The following CCDC33 variants were observed in gnomAD, a reference collection of about 807,000 sequenced individuals.
CCDC33 encodes the protein coiled-coil domain-containing protein 33.
CCDC33 carries 94 observed loss-of-function variants against 91.9 expected under a neutral mutation model. That is an observed-to-expected ratio of 1.02 (90% CI 0.87 to 1.21). The LOEUF (loss-of-function observed/expected upper bound fraction) is 1.21. Ranked by LOEUF, CCDC33 falls within the 50% of genes most tolerant of loss-of-function variation. CCDC33 has a pLI of 0.00. For missense variants in CCDC33, 940 were observed against 935.5 expected, an observed-to-expected ratio of 1.00 and a Z score of -0.06; for synonymous variants, 396 against 374.5, an observed-to-expected ratio of 1.06 and a Z score of -0.66.
chr15:74,285,476 C>T (rs1367465394), intron 10 of CCDC33, among the ~76,000 whole-genome samples: 3 of 152,160 alleles, frequency 2.0e-5, no homozygotes, highest in Non-Finnish European at 1.5e-5. Flanking sequence ...AGCAGGCCTT[C>T]CTATGGCTGA....
chr15:74,284,059 T>G (rs1461395405), intron 10 of CCDC33, among the ~76,000 whole-genome samples: 1 of 152,248 alleles, frequency 6.6e-6, no homozygotes, highest in Non-Finnish European at 1.5e-5. Flanking sequence ...GGCCAATAAC[T>G]GACTCCCTTT....
chr15:74,285,019 G>A (rs779666024), intron 10 of CCDC33, among the ~76,000 whole-genome samples: 3 of 152,272 alleles, frequency 2.0e-5, no homozygotes, highest in African/African-American at 4.8e-5. Context: ...TCCAGCTGCC[G>A]AGGCTTGTGA....
At chr15:74,265,481 A>G (rs1480678443) in intron 3 of CCDC33, among the ~76,000 whole-genome samples, 1 of 152,154 alleles carries the variant, frequency 6.6e-6, no homozygotes. Context: ...GTGTCACCAA[A>G]TTCAACCCTT....
intron 11 of CCDC33, among the ~76,000 whole-genome samples, chr15:74,309,373 C>T (rs1387933371): frequency 6.6e-6 from 1 of 152,210 alleles, no homozygotes; most frequent in Non-Finnish European, 1.5e-5. Context: ...GCAGTGGGTG[C>T]TCAGTAAGTG....
intron 11 of CCDC33, among the ~76,000 whole-genome samples, chr15:74,312,767 A>G (rs1385352876): frequency 6.6e-6 from 1 of 152,042 alleles, no homozygotes; most frequent in African/African-American, 2.4e-5. Flanking sequence ...TCAGGGTGGG[A>G]CACTGTCTCC....
At chr15:74,297,748 G>A (rs2059716204) in intron 11 of CCDC33, among the ~76,000 whole-genome samples, 2 of 150,750 alleles carry the variant, frequency 1.3e-5, no homozygotes, top group Admixed American at 6.6e-5. Context: ...AAGAGGGAAG[G>A]TGCCATCATG....
chr15:74,333,290 C>T, intron 16 of CCDC33: 2 of 1,598,536 alleles, frequency 1.3e-6, no homozygotes, highest in Non-Finnish European at 1.7e-6. Context: ...TGGCCCAGGC[C>T]ACTCAGAGTG....
At chr15:74,308,650 A>G in intron 11 of CCDC33, among the ~76,000 whole-genome samples, 1 of 152,210 alleles carries the variant, frequency 6.6e-6, no homozygotes, top group East Asian at 1.9e-4. Flanking sequence ...GCCTTTAGCC[A>G]GCTCTTACTC....
At chr15:74,271,824 G>GGAGGGCAGAGCA in intron 6 of CCDC33, 30 bp downstream of exon 6, 2 of 1,582,096 alleles carry the variant, frequency 1.3e-6, no homozygotes, top group Non-Finnish European at 1.7e-6. Flanking sequence ...ACCTGGGTGA[G>GGAGGGCAGAGCA]GAGGGCAGAG....
At chr15:74,228,908 T>C (rs773833440) in intron 2 of CCDC33, among the ~76,000 whole-genome samples, 59 of 152,198 alleles carry the variant, frequency 3.9e-4, no homozygotes, top group Admixed American at 9.2e-4. Flanking sequence ...GCGGGTGGTG[T>C]GAGCGAAGGG....
chr15:74,219,961 T>G (rs2074547023), intron 2 of CCDC33, among the ~76,000 whole-genome samples: 1 of 152,092 alleles, frequency 6.6e-6, no homozygotes, highest in Non-Finnish European at 1.5e-5. Context: ...CTCCCTGCAG[T>G]GCATTGGTCT....
chr15:74,289,103 C>T (rs2059535690), intron 10 of CCDC33, among the ~76,000 whole-genome samples: 1 of 152,198 alleles, frequency 6.6e-6, no homozygotes, highest in Admixed American at 6.5e-5. Flanking sequence ...GAACCCATCA[C>T]TCGGTGCCCG....
At chr15:74,325,788 G>C (rs1002903312) in intron 11 of CCDC33, among the ~76,000 whole-genome samples, 2 of 151,934 alleles carry the variant, frequency 1.3e-5, no homozygotes, top group Non-Finnish European at 2.9e-5. Flanking sequence ...ATTTTTTTGC[G>C]GGGGGTGGGT....
chr15:74,208,866 C>T (rs953843403), intron 1 of CCDC33: 34 of 989,888 alleles, frequency 3.4e-5, no homozygotes, highest in East Asian at 3.4e-4. Context: ...TGATCTCTCC[C>T]GGAAACTTGT....
intron 17 of CCDC33, 60 bp from the exon 18 acceptor site, chr15:74,334,915 G>A: frequency 7.4e-7 from 1 of 1,359,210 alleles, no homozygotes; most frequent in Non-Finnish European, 1.1e-6. Context: ...GGTTGTCCTG[G>A]CCATCAGGGA....
chr15:74,267,759 C>T (rs181904906), intron 4 of CCDC33, among the ~76,000 whole-genome samples: 1 of 150,960 alleles, frequency 6.6e-6, no homozygotes, highest in Admixed American at 6.6e-5. Flanking sequence ...ACTGGCAAAG[C>T]TGGCACAGTC....
chr15:74,235,761 G>A (rs776235275), upstream of CCDC33, among the ~76,000 whole-genome samples: 13 of 152,288 alleles, frequency 8.5e-5, no homozygotes, highest in Non-Finnish European at 1.5e-4. Flanking sequence ...TCGTACTCTA[G>A]TGCCATCACT....
At position 74,295,979 on chromosome 15, in the gene CCDC33, G is replaced by A. The variant is rs150756670; in HGVS notation, c.1290+31G>A. 3.4e-4 allele frequency: 533 copies of A among 1,572,870 alleles called. 2 individuals are homozygous for A. Among genetic ancestry groups the A allele is most frequent in the Middle Eastern group, 3.8e-4 (2 of 5,218 alleles). Reference sequence around the variant, plus strand: ...TGTCTCTCCCCAGGTGGGAAGGGCCGGGGCAGTGATGAGGCCATGGGAAGG... The same window carrying A: ...TGTCTCTCCCCAGGTGGGAAGGGCCAGGGCAGTGATGAGGCCATGGGAAGG... On this transcript the variant is annotated intron_variant, in intron 11 of 18. Coordinates refer to ENST00000398814, the MANE Select transcript of CCDC33 (RefSeq NM_025055.5).
At chr15:74,261,081 G>C (rs1397351065) in intron 2 of CCDC33, among the ~76,000 whole-genome samples, 3 of 152,154 alleles carry the variant, frequency 2.0e-5, no homozygotes, top group Non-Finnish European at 2.9e-5. Context: ...CTGGGATTTG[G>C]AACCCAAAAT....
Sources: allele counts gnomAD v4.1 joint callset (sites outside exome capture counted in the v4.1 genomes callset), GRCh38; gene constraint gnomAD v4.1.1; transcripts MANE v1.5; gene names NCBI Gene and HGNC (gene_info 2026-07-23, HGNC 2026-07-21).